Variants in MAGI2 observed in about 807,000 individuals in gnomAD.
MAGI2 encodes membrane associated guanylate kinase, WW and PDZ domain containing 2.
Under a neutral mutation model 133.3 loss-of-function variants are expected in MAGI2, and 35 were observed. The ratio of observed to expected loss-of-function variants is 0.26; its 90% CI spans 0.20 to 0.35. MAGI2 has a LOEUF of 0.35. MAGI2 is among the 10% of genes least tolerant of loss of function. MAGI2 has a pLI of 1.00. For synonymous variants in MAGI2, 729 were observed against 710.6 expected (o/e 1.03, Z -0.41); for missense variants, 1,636 against 1,863.4 (o/e 0.88, Z 2.25).
At chr7:78,027,868 G>C (rs1809113190) in intron 21 of MAGI2, among the ~76,000 whole-genome samples, 1 of 152,156 alleles carries the variant, frequency 6.6e-6, no homozygotes, top group Non-Finnish European at 1.5e-5. Context: ...AAATATCCAT[G>C]AATTTAGTGC....
intron 3 of MAGI2, among the ~76,000 whole-genome samples, chr7:78,587,419 TAA>T: frequency 6.6e-6 from 1 of 152,350 alleles, no homozygotes; most frequent in Middle Eastern, 3.4e-3. Context: ...TAGTTATATT[TAA>T]GTTAACTTAT....
chr7:78,257,749 A>G (rs1204872775), intron 9 of MAGI2, among the ~76,000 whole-genome samples: 1 of 152,138 alleles, frequency 6.6e-6, no homozygotes, highest in Admixed American at 6.6e-5. Context: ...GAGCTTGCAA[A>G]TTGAGATTGT....
At chr7:79,424,033 C>A (rs1847163004) in intron 1 of MAGI2, among the ~76,000 whole-genome samples, 1 of 152,002 alleles carries the variant, frequency 6.6e-6, no homozygotes, top group Admixed American at 6.6e-5. Flanking sequence ...TGAAACACTG[C>A]CTTTCCTCAA....
intron 6 of MAGI2, among the ~76,000 whole-genome samples, chr7:78,452,134 C>T (rs1788789390): frequency 6.6e-6 from 1 of 152,038 alleles, no homozygotes; most frequent in African/African-American, 2.4e-5. Context: ...TGTTCTATTT[C>T]ATTTACTCTA....
intron 3 of MAGI2, among the ~76,000 whole-genome samples, chr7:78,550,241 C>A (rs1429757558): frequency 6.6e-6 from 1 of 152,124 alleles, no homozygotes; most frequent in Admixed American, 6.5e-5. Context: ...AGGTAATATC[C>A]TTTAGAACAG....
chr7:79,345,856 C>T (rs1344058339), intron 1 of MAGI2, among the ~76,000 whole-genome samples: 1 of 152,020 alleles, frequency 6.6e-6, no homozygotes, highest in African/African-American at 2.4e-5. Context: ...TTCACTATTT[C>T]CTAGCCAAGA....
rs549684414 is a variant in MAGI2 at position 79,110,619 on chromosome 7, G to A, written c.302-103413C>T. On this transcript the variant is annotated intron_variant, in intron 1 of 21. Transcript: ENST00000354212. ...GGAACTCATTTCAGTTGAGATTTTG[G>A]AATTCAGACTTGGGACTTTTGAGTT... 2.6e-5 allele frequency among the ~76,000 whole-genome samples: 4 copies of A among 152,254 alleles called. No homozygotes were observed. The East Asian group carries it at 5.8e-4, about 22-fold the overall frequency.
At chr7:78,625,474 T>A (rs948662704) in intron 3 of MAGI2, among the ~76,000 whole-genome samples, 5 of 151,888 alleles carry the variant, frequency 3.3e-5, no homozygotes, top group African/African-American at 9.7e-5. Flanking sequence ...TAAAAAAAAA[T>A]GGAAAAGTTT....
At chr7:79,005,972 C>T (rs549896292) in intron 2 of MAGI2, among the ~76,000 whole-genome samples, 2 of 152,084 alleles carry the variant, frequency 1.3e-5, no homozygotes, top group Admixed American at 1.3e-4. Context: ...ATAATGGTGT[C>T]CTGGCATTGT....
At chr7:78,387,037 C>T (rs1795449917) in intron 6 of MAGI2, among the ~76,000 whole-genome samples, 1 of 152,192 alleles carries the variant, frequency 6.6e-6, no homozygotes, top group Non-Finnish European at 1.5e-5. Context: ...CCCTGATAGA[C>T]ACAGGGCATA....
rs199985014 is a variant in MAGI2, at chr7:78,033,472, C to CAAAAAAAAA, written c.3707-13505_3707-13497dup. Among the ~76,000 whole-genome samples the CAAAAAAAAA allele has an allele frequency of 8.6e-4, 114 of 132,188 alleles. 1 individual carries two copies. Among genetic ancestry groups the CAAAAAAAAA allele is most frequent in the Middle Eastern group, 7.6e-3 (2 of 264 alleles). The allele number at this position is 132,188 out of a possible 152,430, so 86.7% of individuals were successfully genotyped here. A position where few individuals can be genotyped will look rare whatever the true frequency, so the allele number is the denominator to read the frequency against. On this transcript the variant is annotated intron_variant, in intron 21 of 21. Coordinates refer to ENST00000354212, the MANE Select transcript of MAGI2 (RefSeq NM_012301.4). ...TGAGCAACACAGTAAGAGCTTGTCT[C>CAAAAAAAAA]AAAAAAAAAAAAAAAAAAAAGAAAA... is the stretch of plus-strand genomic sequence containing the variant.
Position 79,171,758 on chromosome 7 carries a change from ATATATATATATATTTTTTT to A in MAGI2, c.302-164571_302-164553del, listed in dbSNP as rs1825595249. Among the ~76,000 whole-genome samples, 2 of 31,694 alleles carry A rather than the reference ATATATATATATATTTTTTT, an allele frequency of 6.3e-5. 1 individual carries two copies. The highest frequency in any genetic ancestry group is 1.5e-4 in the African/African-American group (2 of 13,370). The allele number at this position is 31,694 out of a possible 152,430, so 20.8% of individuals were successfully genotyped here. Reference sequence around the variant, plus strand: ...AATAGCCAAAAATATATATATATATATATATATATATATTTTTTTTTTTTTTTTCTTTTAAAGGGTCTCC... The same window carrying A: ...AATAGCCAAAAATATATATATATATATTTTTTTTTCTTTTAAAGGGTCTCC... On this transcript the variant is annotated intron_variant, in intron 1 of 21. Transcript: ENST00000354212.
At chr7:78,589,386 T>C (rs1004639362) in intron 3 of MAGI2, among the ~76,000 whole-genome samples, 1 of 152,202 alleles carries the variant, frequency 6.6e-6, no homozygotes, top group African/African-American at 2.4e-5. Context: ...TGTACATGGT[T>C]GATAAGTGAT....
intron 21 of MAGI2, among the ~76,000 whole-genome samples, chr7:78,030,905 A>C (rs557922784): frequency 6.6e-6 from 1 of 152,372 alleles, no homozygotes; most frequent in East Asian, 1.9e-4. Context: ...CTGTGTTCAC[A>C]CAAAAACCTG....
In MAGI2 at chr7:78,641,431, A is replaced by G. The variant is rs1419148947; in HGVS notation, c.419-14192T>C. Among the ~76,000 whole-genome samples the G allele has an allele frequency of 2.6e-5, 4 of 152,222 alleles. No individual in the cohort carries two copies. In the East Asian group the frequency reaches 5.8e-4, roughly 22 times the overall value. ...AGAGATAAAACTGGACACATAATAC[A>G]TAAACAAATGAGCACAGCTGTGTTC... is the stretch of plus-strand genomic sequence containing the variant. On this transcript the variant is annotated intron_variant, in intron 2 of 21. Transcript: ENST00000354212.
intron 9 of MAGI2, among the ~76,000 whole-genome samples, chr7:78,325,979 T>C (rs2151135700): frequency 6.6e-6 from 1 of 152,360 alleles, no homozygotes; most frequent in Non-Finnish European, 1.5e-5. Flanking sequence ...CCATTCCTCT[T>C]AAGCAGACTT....
In MAGI2 at chr7:78,668,041, C is replaced by G. The variant is rs186269875; in HGVS notation, c.419-40802G>C. ...AAGTGCTCCTATTTCTCCCCACATC[C>G]TCTCCAGCACCTGTTGTTTCCTGAC... On this transcript the variant is annotated intron_variant, in intron 2 of 21. Coordinates refer to ENST00000354212, the MANE Select transcript of MAGI2 (RefSeq NM_012301.4). Among the ~76,000 whole-genome samples, 354 of 152,230 alleles carry G rather than the reference C, an allele frequency of 2.3e-3. 4 individuals carry two copies. The highest frequency in any genetic ancestry group is 7.8e-3 in the African/African-American group (324 of 41,498).
At chr7:78,227,850 T>TTGTGTCTGTG (rs1789552268) in intron 10 of MAGI2, among the ~76,000 whole-genome samples, 1 of 145,546 alleles carries the variant, frequency 6.9e-6, no homozygotes, top group South Asian at 2.2e-4. Flanking sequence ...TCTTACTCAG[T>TTGTGTCTGTG]TGTGTGTGTG....
chr7:79,027,665 A>G (rs1161462335), intron 1 of MAGI2, among the ~76,000 whole-genome samples: 2 of 152,196 alleles, frequency 1.3e-5, no homozygotes, highest in Non-Finnish European at 2.9e-5. Context: ...AATTGCTGAG[A>G]GTAAATTTCA....
Sources: allele counts gnomAD v4.1 joint callset (sites outside exome capture counted in the v4.1 genomes callset), GRCh38; gene constraint gnomAD v4.1.1; transcripts MANE v1.5; gene names NCBI Gene and HGNC (gene_info 2026-07-23, HGNC 2026-07-21).